FGF14: variants seen among roughly 807,000 people sequenced by gnomAD.
FGF14 encodes the protein fibroblast growth factor homologous factor 4.
A neutral mutation model predicts 25.5 loss-of-function variants in FGF14; 5 were observed. That is an observed-to-expected ratio of 0.20 (90% CI 0.10 to 0.41). The LOEUF is 0.41. Among genes scored for constraint, FGF14 ranks in the 10% least tolerant of loss-of-function variants. The pLI, the probability that FGF14 is intolerant of heterozygous loss-of-function variation, is 1.00. For synonymous variants in FGF14, 138 were observed against 118.3 expected (o/e 1.17, Z -1.08); for missense variants, 222 against 320.1 (o/e 0.69, Z 2.34).
At chr13:101,843,719 G>A (rs370555248) in intron 3 of FGF14, among the ~76,000 whole-genome samples, 5 of 151,930 alleles carry the variant, frequency 3.3e-5, no homozygotes, top group African/African-American at 9.7e-5. Context: ...ATCAGTGAAC[G>A]TGGACTTTCT....
intron 1 of FGF14, among the ~76,000 whole-genome samples, chr13:101,908,546 C>T (rs1323640793): frequency 6.6e-6 from 1 of 152,054 alleles, no homozygotes; most frequent in Non-Finnish European, 1.5e-5. Flanking sequence ...AATTATTGGA[C>T]CTCTTCAAAG....
At chr13:101,748,534 G>A (rs2390650) in intron 3 of FGF14, among the ~76,000 whole-genome samples, 71,388 of 151,150 alleles carry the variant, frequency 0.47, 18,618 homozygotes, top group Non-Finnish European at 0.58. Flanking sequence ...TGGGTACAAC[G>A]TACACTAAAA....
chr13:101,814,897 A>C (rs776961799), intron 3 of FGF14, among the ~76,000 whole-genome samples: 5 of 152,234 alleles, frequency 3.3e-5, no homozygotes, highest in Non-Finnish European at 5.9e-5. Flanking sequence ...AGTTTTGAAA[A>C]GTATTAATTG....
At chr13:101,761,046 C>A (rs964983997) in intron 3 of FGF14, among the ~76,000 whole-genome samples, 1 of 152,144 alleles carries the variant, frequency 6.6e-6, no homozygotes, top group South Asian at 2.1e-4. Context: ...TCTTACTTTT[C>A]AAACCAAAAT....
chr13:101,896,700 T>C (rs185770408), intron 1 of FGF14, among the ~76,000 whole-genome samples: 1 of 152,296 alleles, frequency 6.6e-6, no homozygotes, highest in South Asian at 2.1e-4. Context: ...GGCATATGTG[T>C]ACCTACATGC....
At chr13:102,201,452 TA>T (rs1340255315) in intron 1 of FGF14, among the ~76,000 whole-genome samples, 2 of 152,166 alleles carry the variant, frequency 1.3e-5, no homozygotes, top group Non-Finnish European at 2.9e-5. Flanking sequence ...CCAAAATGAT[TA>T]TAAATTCCCT....
intron 1 of FGF14, among the ~76,000 whole-genome samples, chr13:101,885,973 T>C (rs1269432560): frequency 1.3e-5 from 2 of 152,196 alleles, no homozygotes; most frequent in African/African-American, 4.8e-5. Flanking sequence ...AAACCAGTTT[T>C]AAAATTTCAG....
At chr13:101,900,603 T>C (rs1005163020) in intron 1 of FGF14, among the ~76,000 whole-genome samples, 1 of 152,150 alleles carries the variant, frequency 6.6e-6, no homozygotes, top group African/African-American at 2.4e-5. Context: ...ACATCATTGA[T>C]ATATAGTTTT....
At position 101,964,743 on chromosome 13, in the gene FGF14, C is replaced by T. The variant is rs1010491370; in HGVS notation, c.209-89447G>A. Among the ~76,000 whole-genome samples the T allele has an allele frequency of 4.0e-5, 6 of 149,540 alleles. No homozygotes were observed. In the Admixed American group the frequency reaches 4.2e-4, roughly 10 times the overall value. On this transcript the variant is annotated intron_variant, in intron 1 of 4. Coordinates refer to the FGF14 transcript ENST00000376131. ...CAATTAAAGAATAGTATTTCCCTTT[C>T]CTTTTCTACTTTCATTTTTTTTCTT...
chr13:102,040,397 A>G (rs2139993289), intron 1 of FGF14, among the ~76,000 whole-genome samples: 1 of 152,272 alleles, frequency 6.6e-6, no homozygotes, highest in East Asian at 1.9e-4. Flanking sequence ...ATGTTCAGCA[A>G]ATTGACAGCT....
At chr13:102,005,659 A>G (rs1310692401) in intron 1 of FGF14, among the ~76,000 whole-genome samples, 2 of 152,236 alleles carry the variant, frequency 1.3e-5, no homozygotes, top group African/African-American at 4.8e-5. Context: ...CAGCACCAAT[A>G]AAACACGGAA....
chr13:102,083,998 T>A (rs953598705), intron 1 of FGF14, among the ~76,000 whole-genome samples: 6 of 152,136 alleles, frequency 3.9e-5, no homozygotes, highest in Non-Finnish European at 7.4e-5. Context: ...TCCGAGTTCA[T>A]CTCCTAATTC....
intron 1 of FGF14, among the ~76,000 whole-genome samples, chr13:102,019,445 G>C (rs576282956): frequency 6.6e-6 from 1 of 152,200 alleles, no homozygotes; most frequent in South Asian, 2.1e-4. Context: ...TGCTAGCCTT[G>C]TGCCTGACTT....
At chr13:102,334,384 G>A (rs953685919) in intron 1 of FGF14, among the ~76,000 whole-genome samples, 7 of 152,270 alleles carry the variant, frequency 4.6e-5, no homozygotes, top group East Asian at 1.9e-4. Flanking sequence ...TTCAGCATTA[G>A]CCTGATGGTT....
intron 3 of FGF14, among the ~76,000 whole-genome samples, chr13:101,852,981 C>T (rs2043935402): frequency 6.6e-6 from 1 of 152,018 alleles, no homozygotes; most frequent in Non-Finnish European, 1.5e-5. Flanking sequence ...TTAATAATTT[C>T]CTTGAGGGAA....
chr13:101,949,188 C>T (rs1357836778), intron 1 of FGF14, among the ~76,000 whole-genome samples: 1 of 152,154 alleles, frequency 6.6e-6, no homozygotes, highest in African/African-American at 2.4e-5. Context: ...GGTCAATAAA[C>T]TGCATTTTGT....
At chr13:101,878,691 A>G (rs1307157339) in intron 1 of FGF14, among the ~76,000 whole-genome samples, 1 of 152,294 alleles carries the variant, frequency 6.6e-6, no homozygotes, top group East Asian at 1.9e-4. Context: ...GAAATCTAAC[A>G]TGAAATTAGC....
intron 3 of FGF14, among the ~76,000 whole-genome samples, chr13:101,843,302 G>T (rs73561296): frequency 0.1 from 15,628 of 151,926 alleles, 1,415 homozygotes; most frequent in African/African-American, 0.24. Context: ...CATGCATTTA[G>T]GGGGCGATGT....
intron 1 of FGF14, among the ~76,000 whole-genome samples, chr13:101,875,770 T>TA (rs911440098): frequency 2.0e-5 from 3 of 152,152 alleles, no homozygotes; most frequent in Non-Finnish European, 4.4e-5. Context: ...ACCTATATTT[T>TA]AAAAACATTC....
Sources: allele counts gnomAD v4.1 joint callset (sites outside exome capture counted in the v4.1 genomes callset), GRCh38; gene constraint gnomAD v4.1.1; transcripts MANE v1.5; gene names NCBI Gene and HGNC (gene_info 2026-07-23, HGNC 2026-07-21).